The following PRR12 variants were observed in gnomAD, a reference collection of about 807,000 sequenced individuals.
PRR12 encodes proline rich 12, also known as proline-rich protein 12.
A neutral mutation model predicts 138.0 loss-of-function variants in PRR12; 12 were observed. The observed-to-expected ratio is 0.09, with a 90% CI of 0.06 to 0.14. The LOEUF (loss-of-function observed/expected upper bound fraction) is 0.14, where lower values mean the gene tolerates loss of function less well. Among genes scored for constraint, PRR12 ranks in the 10% least tolerant of loss-of-function variants. The probability of loss-of-function intolerance (pLI) is 1.00; values close to 1 mark genes in which losing one functional copy is unlikely to be tolerated. For synonymous variants in PRR12, 1,567 were observed against 1,291.7 expected (o/e 1.21, Z -4.57); for missense variants, 2,692 against 2,861.3 (o/e 0.94, Z 1.35).
chr19:49,606,428 C>T (rs1029533800), intron 6 of PRR12, among the ~76,000 whole-genome samples: 3 of 151,584 alleles, frequency 2.0e-5, no homozygotes, highest in African/African-American at 7.3e-5. Context: ...TCTTCTGCCT[C>T]AGCCTCCTGA....
intron 8 of PRR12, among the ~76,000 whole-genome samples, chr19:49,615,339 A>G (rs912987219): frequency 6.6e-6 from 1 of 151,106 alleles, no homozygotes; most frequent in Non-Finnish European, 1.5e-5. Flanking sequence ...GAGATGGGGG[A>G]GGACAAAGAT....
rs199914140 is a variant in PRR12, at chr19:49,597,510, C to T, written c.3175C>T (p.Leu1059Phe). 1.2e-4 allele frequency: 180 copies of T among 1,555,338 alleles called. No homozygotes were observed. In the African/African-American group the frequency reaches 2.1e-3, roughly 18 times the overall value. Reference sequence around the variant, plus strand: ...GCCGGCCTCCGAACCCAAGGGTGGCCTCACCTCGCCCATCTTCTGCTCTAC... The same window carrying T: ...GCCGGCCTCCGAACCCAAGGGTGGCTTCACCTCGCCCATCTTCTGCTCTAC... ...PAPASEPKGGLTSPIFCSTKP... is the reference protein window; with the variant it reads ...PAPASEPKGGFTSPIFCSTKP... The change falls in exon 4 of 14, where the codon CTC (leucine) becomes TTC (phenylalanine). Residue 1059 changes from leucine to phenylalanine, a missense_variant. Around this residue, in one of 11 missense-constraint regions of PRR12, gnomAD observed 840 missense variants for 689.8 expected, o/e 1.22. Coordinates refer to ENST00000418929, the MANE Select transcript of PRR12 (RefSeq NM_020719.3). This position sits in a 1 kb window ranked among gnomAD's most constrained non-coding sequence, Gnocchi z 6.3.
intron 9 of PRR12, among the ~76,000 whole-genome samples, chr19:49,618,813 C>G (rs918647143): frequency 6.6e-6 from 1 of 152,028 alleles, no homozygotes; most frequent in African/African-American, 2.4e-5. Context: ...TCCAGCCCTG[C>G]CCCACCTTCA....
rs750679755 is a variant in PRR12 at position 49,595,134 on chromosome 19, A to G, written c.799A>G (p.Asn267Asp). ...AAEQSSPQLY[N>D]FSGAAPGPPP... The stretch of plus-strand genomic sequence containing the variant: ...CGAGCAGTCCTCCCCACAGCTCTAT[A>G]ACTTCTCGGGTGCTGCCCCGGGCCC... Residue 267 changes from asparagine (N) to aspartate (D), a missense_variant, in exon 4 of 14, where the codon AAC becomes GAC. This residue lies in a region of PRR12 where 523 missense variants were observed against 496.4 expected (regional missense o/e 1.05). Transcript: ENST00000418929. 6.2e-7 allele frequency: 1 copy of G among 1,611,458 alleles called. No individual in the cohort carries two copies. Among genetic ancestry groups the G allele is most frequent in the Admixed American group, 1.7e-5 (1 of 59,950 alleles).
Position 49,595,771 on chromosome 19 carries a change from C to T in PRR12, c.1436C>T (p.Pro479Leu), listed in dbSNP as rs960476354. 2.5e-6 allele frequency: 4 copies of T among 1,599,796 alleles called. No individual in the cohort carries two copies. Among genetic ancestry groups the T allele is most frequent in the African/African-American group, 1.3e-5 (1 of 74,598 alleles). The change falls in exon 4 of 14, where the codon CCC becomes CTC. Residue 479 changes from proline to leucine, a missense_variant. Physicochemically the swap from Pro to Leu is moderately conservative, Grantham distance 98. Coordinates refer to ENST00000418929, the MANE Select transcript of PRR12 (RefSeq NM_020719.3). ...LSKAPSYSGG[P>L]PQPPSGPPPP... ...AAAGCCCCCAGCTACTCAGGGGGCC[C>T]CCCACAGCCCCCCAGCGGCCCCCCT...
chr19:49,602,714 G>A (rs930837329), intron 6 of PRR12, among the ~76,000 whole-genome samples: 5 of 152,094 alleles, frequency 3.3e-5, no homozygotes, highest in African/African-American at 1.2e-4. Flanking sequence ...ACCACACCCG[G>A]CTGATTTTTG....
Position 49,591,613 on chromosome 19 carries a change from TCCCTCCCTCCCC to T in PRR12, c.-40_-29del. ...AGCGCGCGCGCGCCCCCTCCCTCCC[TCCCTCCCTCCCC>T]CTCCCCCCAATTTCCACCGCGGCCA... On this transcript the variant is annotated 5_prime_UTR_variant, in exon 1 of 14. Transcript: ENST00000418929. 9.3e-6 allele frequency: 1 copy of T among 108,010 alleles called. No homozygotes were observed. The highest frequency in any genetic ancestry group is 1.8e-5 in the Non-Finnish European group (1 of 55,310). 6.7% of individuals were successfully genotyped at this position (108,010 alleles called of 1,614,324 possible). A position where few individuals can be genotyped will look rare whatever the true frequency, so the allele number is the denominator to read the frequency against.
intron 1 of PRR12, 52 bp downstream of exon 1, chr19:49,591,792 CCGG>C: frequency 4.0e-6 from 2 of 495,302 alleles, no homozygotes; most frequent in Non-Finnish European, 5.1e-6. Context: ...GGGAGCCCAG[CCGG>C]GCCGGGCCGG....
Position 49,597,013 on chromosome 19 carries a change from C to G in PRR12, c.2678C>G (p.Ala893Gly). Residue 893 changes from alanine to glycine, a missense_variant, in exon 4 of 14, where the codon GCG becomes GGG. Physicochemically the swap from Ala to Gly is moderately conservative, Grantham distance 60. Transcript: ENST00000418929. This position sits in a 1 kb window ranked among gnomAD's most constrained non-coding sequence, Gnocchi z 6.3. Reference sequence around the variant, plus strand: ...GGGGCTCTGGAGCCGCTGCCCCCGGCGCCTGGGGATACTGGCGTAGGCCCA... The same window carrying G: ...GGGGCTCTGGAGCCGCTGCCCCCGGGGCCTGGGGATACTGGCGTAGGCCCA... ...LLGALEPLPP[A>G]PGDTGVGPPN... The G allele has an allele frequency of 6.4e-7, 1 of 1,557,410 alleles. No homozygotes were observed. Among genetic ancestry groups the G allele is most frequent in the Non-Finnish European group, 8.7e-7 (1 of 1,153,442 alleles).
chr19:49,625,088 T>G lies in PRR12; in HGVS notation c.5869-17T>G, dbSNP rs373164144. 360 of 1,610,422 alleles carry G rather than the reference T, an allele frequency of 2.2e-4. 1 individual carries two copies. The highest frequency in any genetic ancestry group is 5.3e-5 in the Non-Finnish European group (62 of 1,176,950). On this transcript the variant is annotated splice_polypyrimidine_tract_variant and intron_variant, in intron 12 of 13. Transcript: ENST00000418929. This position sits in a 1 kb window ranked among gnomAD's most constrained non-coding sequence, Gnocchi z 5.5. ...GTGCCGGGCTGGAGGGGCTGAGGCA[T>G]CTCCACTCCTACCCAGGAGTTCAAG...
In PRR12 at chr19:49,616,261, G is replaced by GA. The variant is rs1568430544; in HGVS notation, c.5497+44dup. 26 of 1,444,404 alleles carry GA rather than the reference G, an allele frequency of 1.8e-5. No individual in the cohort carries two copies. The highest frequency in any genetic ancestry group is 2.4e-5 in the Non-Finnish European group (26 of 1,085,356). 89.5% of individuals were successfully genotyped at this position (1,444,404 alleles called of 1,614,324 possible). A position where few individuals can be genotyped will look rare whatever the true frequency, so the allele number is the denominator to read the frequency against. On this transcript the variant is annotated intron_variant, in intron 9 of 13. Coordinates refer to ENST00000418929, the MANE Select transcript of PRR12 (RefSeq NM_020719.3). The surrounding 1 kb of genome is among the most constrained non-coding windows in gnomAD (Gnocchi z 4.2). Reference sequence around the variant, plus strand: ...CCTCAGGGCTGCAGGGGTGGGTGGGGAAGGGACACAGGTGAGGGCTGTCCA... The same window carrying GA: ...CCTCAGGGCTGCAGGGGTGGGTGGGGAAAGGGACACAGGTGAGGGCTGTCCA...
chr19:49,599,222 C>A lies in PRR12; in HGVS notation c.3679-50C>A. ...TTTTGGGGGCTGAGGGAGGATGGGA[C>A]TGGGGGCCCAGGCTACTGGGCCCTC... On this transcript the variant is annotated intron_variant, in intron 4 of 13. Coordinates refer to ENST00000418929, the MANE Select transcript of PRR12 (RefSeq NM_020719.3). The surrounding 1 kb of genome is among the most constrained non-coding windows in gnomAD (Gnocchi z 5.0). 6.7e-7 allele frequency: 1 copy of A among 1,488,722 alleles called. No homozygotes were observed. Among genetic ancestry groups the A allele is most frequent in the South Asian group, 1.4e-5 (1 of 73,640 alleles). 92.2% of individuals were successfully genotyped at this position (1,488,722 alleles called of 1,614,324 possible). A position where few individuals can be genotyped will look rare whatever the true frequency, so the allele number is the denominator to read the frequency against.
intron 6 of PRR12, among the ~76,000 whole-genome samples, chr19:49,610,494 G>A (rs1397914016): frequency 1.3e-5 from 2 of 151,824 alleles, no homozygotes; most frequent in African/African-American, 4.8e-5. Flanking sequence ...CCTGAGGTGG[G>A]AGGTTTGCAC....
chr19:49,604,318 T>C (rs1325174629), intron 6 of PRR12, among the ~76,000 whole-genome samples: 2 of 140,738 alleles, frequency 1.4e-5, no homozygotes, highest in East Asian at 2.1e-4. Context: ...GCTAGGCAAA[T>C]AGCAAGACCT....
Position 49,595,262 on chromosome 19 carries a change from G to A in PRR12, c.927G>A (p.Ala309=), listed in dbSNP as rs1036328541. ...QPPPPPPPAH[A]LQHYLSCGGS... ...CACCACCCCCGCCACCAGCCCATGCGCTCCAGCACTATCTGAGCTGTGGAG... is the reference window on the plus strand; with the variant it reads ...CACCACCCCCGCCACCAGCCCATGCACTCCAGCACTATCTGAGCTGTGGAG... Residue 309 remains alanine, a synonymous_variant, in exon 4 of 14, where the codon GCG becomes GCA. Coordinates refer to ENST00000418929, the MANE Select transcript of PRR12 (RefSeq NM_020719.3). 8 of 1,544,812 alleles carry A rather than the reference G, an allele frequency of 5.2e-6. No individual in the cohort carries two copies. Among genetic ancestry groups the A allele is most frequent in the African/African-American group, 1.4e-5 (1 of 72,864 alleles).
At chr19:49,605,909 G>A (rs891176548) in intron 6 of PRR12, among the ~76,000 whole-genome samples, 1 of 152,230 alleles carries the variant, frequency 6.6e-6, no homozygotes, top group African/African-American at 2.4e-5. Flanking sequence ...ACTCATTTGT[G>A]GGCCTAGAGA....
In PRR12 at chr19:49,594,749, T is replaced by TTCCAGCACCTTTCCGTCC; in HGVS notation, c.417_434dup (p.Thr141_Ser146dup). On this transcript the variant is annotated inframe_insertion, in exon 4 of 14. Transcript: ENST00000418929. The surrounding 1 kb of genome is among the most constrained non-coding windows in gnomAD (Gnocchi z 5.6). ...TCTTCATCTCGGGTGCCCTGCCGGG[T>TTCCAGCACCTTTCCGTCC]TCCAGCACCTTTCCGTCCTCATCTG... The TTCCAGCACCTTTCCGTCC allele has an allele frequency of 6.2e-7, 1 of 1,612,926 alleles. No homozygotes were observed. Among genetic ancestry groups the TTCCAGCACCTTTCCGTCC allele is most frequent in the East Asian group, 2.2e-5 (1 of 44,782 alleles).
In PRR12 at chr19:49,595,882, G is replaced by T; in HGVS notation, c.1547G>T (p.Gly516Val). 1 of 1,603,462 alleles carries T rather than the reference G, an allele frequency of 6.2e-7. No homozygotes were observed. The highest frequency in any genetic ancestry group is 1.1e-5 in the South Asian group (1 of 91,028). Residue 516 changes from glycine to valine, a missense_variant, in exon 4 of 14, where the codon GGG (glycine) becomes GTG (valine). Coordinates refer to ENST00000418929, the MANE Select transcript of PRR12 (RefSeq NM_020719.3). ...GGGGTGCAGGGCGAGCCATACCCAG[G>T]GCCAGCCGCCCACTCCCAGGGGCTG... The part of the protein sequence containing the change: ...LYGVQGEPYP[G>V]PAAHSQGLPT...
intron 9 of PRR12, among the ~76,000 whole-genome samples, chr19:49,617,281 C>T (rs912764252): frequency 6.6e-6 from 1 of 152,168 alleles, no homozygotes; most frequent in Non-Finnish European, 1.5e-5. Context: ...CACAGGCTTA[C>T]TTGACCTTTA....
Sources: gnomAD v4.1 joint callset for allele counts (sites outside exome capture counted in the v4.1 genomes callset) on GRCh38, gnomAD v4.1.1 for gene constraint, gnomAD v4.1.1 regional missense constraint, Gnocchi (gnomAD v3.1) non-coding constraint, MANE v1.5 for transcripts, NCBI Gene and HGNC (gene_info 2026-07-23, HGNC 2026-07-21) for gene names.